B3GALT1: variants seen among roughly 807,000 people sequenced by gnomAD.
The protein encoded by B3GALT1 is beta-1,3-galactosyltransferase 1.
In B3GALT1, 10 loss-of-function variants were observed where a neutral mutation model predicts 23.2. That is an observed-to-expected ratio of 0.43 (90% CI 0.27 to 0.73). The LOEUF is 0.73. B3GALT1 is among the 30% of genes least tolerant of loss of function. The pLI, the probability that B3GALT1 is intolerant of heterozygous loss-of-function variation, is 0.21. For missense variants in B3GALT1, 299 were observed against 405.4 expected, an observed-to-expected ratio of 0.74 and a Z score of 2.25; for synonymous variants, 156 against 141.5, an observed-to-expected ratio of 1.10 and a Z score of -0.73.
At chr2:167,660,742 G>A (rs902078410) in intron 3 of B3GALT1, among the ~76,000 whole-genome samples, 13 of 152,056 alleles carry the variant, frequency 8.5e-5, no homozygotes, top group Admixed American at 5.9e-4. Context: ...AATGTAGGAT[G>A]CACTGATGCT....
chr2:167,479,810 G>T (rs917387705), intron 1 of B3GALT1, among the ~76,000 whole-genome samples: 5 of 152,090 alleles, frequency 3.3e-5, no homozygotes, highest in South Asian at 2.1e-4. Context: ...TGCTAGCCAC[G>T]TGGTAGAATC....
At chr2:167,570,294 G>A (rs1347512580) in intron 2 of B3GALT1, among the ~76,000 whole-genome samples, 2 of 151,714 alleles carry the variant, frequency 1.3e-5, no homozygotes, top group Admixed American at 6.6e-5. Context: ...TCGGGGCCTG[G>A]TGCTTTCTGT....
At chr2:167,671,001 C>CA (rs1686316045) in intron 3 of B3GALT1, among the ~76,000 whole-genome samples, 1 of 152,010 alleles carries the variant, frequency 6.6e-6, no homozygotes, top group Non-Finnish European at 1.5e-5. Flanking sequence ...AAAGATATTC[C>CA]ATGCAAATGA....
At chr2:167,445,879 G>T (rs988678208) in intron 1 of B3GALT1, among the ~76,000 whole-genome samples, 5 of 152,118 alleles carry the variant, frequency 3.3e-5, no homozygotes, top group Non-Finnish European at 5.9e-5. Context: ...GGTTCATATT[G>T]TTATGTGTGA....
chr2:167,382,000 A>T (rs1482567682), intron 1 of B3GALT1, among the ~76,000 whole-genome samples: 1 of 152,234 alleles, frequency 6.6e-6, no homozygotes, highest in Non-Finnish European at 1.5e-5. Flanking sequence ...ACTGTGTTTT[A>T]TTGGAAGTTG....
At chr2:167,442,794 G>A (rs1698916166) in intron 1 of B3GALT1, among the ~76,000 whole-genome samples, 1 of 146,696 alleles carries the variant, frequency 6.8e-6, no homozygotes, top group Admixed American at 6.8e-5. Flanking sequence ...CAGATGAGTA[G>A]GTTGCGAAAA....
At chr2:167,367,175 C>T (rs936795306) in intron 1 of B3GALT1, among the ~76,000 whole-genome samples, 4 of 152,084 alleles carry the variant, frequency 2.6e-5, no homozygotes, top group Admixed American at 2.6e-4. Context: ...CAACAAGTCA[C>T]GTATTTACAA....
intron 3 of B3GALT1, among the ~76,000 whole-genome samples, chr2:167,696,248 T>G (rs1686789818): frequency 1.4e-5 from 2 of 139,282 alleles, no homozygotes; most frequent in African/African-American, 5.4e-5. Flanking sequence ...TTATTAGTTG[T>G]GAGACCTTAG....
At chr2:167,577,216 C>T (rs561727100) in intron 2 of B3GALT1, among the ~76,000 whole-genome samples, 36 of 151,918 alleles carry the variant, frequency 2.4e-4, no homozygotes, top group Non-Finnish European at 4.6e-4. Context: ...ATGTATGATA[C>T]TTCTACCACT....
intron 1 of B3GALT1, among the ~76,000 whole-genome samples, chr2:167,399,124 TG>T (rs1218815131): frequency 1.6e-4 from 24 of 152,286 alleles, no homozygotes; most frequent in African/African-American, 5.8e-4. Context: ...TGGATAGCAG[TG>T]GTGCAGGTGG....
intron 3 of B3GALT1, among the ~76,000 whole-genome samples, chr2:167,653,710 G>A (rs950060431): frequency 6.6e-6 from 1 of 152,038 alleles, no homozygotes; most frequent in African/African-American, 2.4e-5. Context: ...CAGTGTCGAG[G>A]GTCTATGCTT....
At chr2:167,584,208 T>G (rs1349908390) in intron 2 of B3GALT1, among the ~76,000 whole-genome samples, 1 of 152,176 alleles carries the variant, frequency 6.6e-6, no homozygotes, top group East Asian at 1.9e-4. Context: ...TTTCAGCAAT[T>G]CTTAAAGTTA....
In B3GALT1 at chr2:167,331,828, A is replaced by G. The variant is rs369646021; in HGVS notation, c.-511+38494A>G. On this transcript the variant is annotated intron_variant, in intron 1 of 4. Transcript: ENST00000392690. ...TGTGCTGCAACCCTGCTACTGAGGAAGGCAGAGTTGCTTTCCCTGGGAGCA... is the reference window on the plus strand; with the variant it reads ...TGTGCTGCAACCCTGCTACTGAGGAGGGCAGAGTTGCTTTCCCTGGGAGCA... 1.7e-4 allele frequency among the ~76,000 whole-genome samples: 26 copies of G among 152,116 alleles called. No individual in the cohort carries two copies. The South Asian group carries it at 5.4e-3, about 31-fold the overall frequency.
intron 3 of B3GALT1, among the ~76,000 whole-genome samples, chr2:167,740,713 C>T (rs766658229): frequency 6.6e-6 from 1 of 152,096 alleles, no homozygotes; most frequent in Non-Finnish European, 1.5e-5. Flanking sequence ...TAAAATATTA[C>T]TAATTTAAAT....
chr2:167,573,390 G>A (rs536359565), intron 2 of B3GALT1, among the ~76,000 whole-genome samples: 1 of 151,850 alleles, frequency 6.6e-6, no homozygotes, highest in African/African-American at 2.4e-5. Context: ...GACAGCAAAT[G>A]TGATTAATTG....
At chr2:167,301,817 G>GA in intron 1 of B3GALT1, among the ~76,000 whole-genome samples, 1 of 152,286 alleles carries the variant, frequency 6.6e-6, no homozygotes, top group Non-Finnish European at 1.5e-5. Flanking sequence ...CCAAAGTGTT[G>GA]GGATTACAGG....
chr2:167,829,801 G>T (rs149518364), intron 4 of B3GALT1, among the ~76,000 whole-genome samples: 2 of 152,102 alleles, frequency 1.3e-5, no homozygotes, highest in African/African-American at 2.4e-5. Context: ...TGAGATGCGC[G>T]GAGAATGGGG....
At chr2:167,672,625 C>G (rs1237014969) in intron 3 of B3GALT1, among the ~76,000 whole-genome samples, 1 of 152,038 alleles carries the variant, frequency 6.6e-6, no homozygotes, top group South Asian at 2.1e-4. Context: ...CCCCTGTGGC[C>G]AAATCACTTC....
chr2:167,537,081 G>A (rs975435108), intron 2 of B3GALT1, among the ~76,000 whole-genome samples: 4 of 152,116 alleles, frequency 2.6e-5, no homozygotes, highest in Admixed American at 6.5e-5. Context: ...ATTTATAAAG[G>A]AAAGAGGTTT....
Sources: allele counts gnomAD v4.1 joint callset (sites outside exome capture counted in the v4.1 genomes callset), GRCh38; gene constraint gnomAD v4.1.1; transcripts MANE v1.5; gene names NCBI Gene and HGNC (gene_info 2026-07-23, HGNC 2026-07-21).